KIFAP3: variants seen among roughly 807,000 people sequenced by gnomAD.
KIFAP3 encodes the protein kinesin associated protein 3, also known as kinesin-associated protein 3.
A neutral mutation model predicts 106.5 loss-of-function variants in KIFAP3; 68 were observed. The ratio of observed to expected loss-of-function variants is 0.64; its 90% CI spans 0.53 to 0.78. The LOEUF (loss-of-function observed/expected upper bound fraction) is 0.78, where lower values mean the gene tolerates loss of function less well. Ranked by LOEUF, KIFAP3 falls within the 30% of genes least tolerant of loss-of-function variation. KIFAP3 has a pLI of 0.00. For synonymous variants in KIFAP3, 320 were observed against 311.5 expected (o/e 1.03, Z -0.29); for missense variants, 780 against 941.8 (o/e 0.83, Z 2.25).
intron 1 of KIFAP3, among the ~76,000 whole-genome samples, chr1:170,072,687 A>T (rs1671759262): frequency 6.6e-6 from 1 of 152,226 alleles, no homozygotes. Flanking sequence ...AAAATATAAA[A>T]GTAAAAATAT....
intron 11 of KIFAP3, chr1:169,990,209 A>C (rs1667029278): frequency 1.3e-5 from 16 of 1,255,536 alleles, no homozygotes; most frequent in Non-Finnish European, 1.6e-5. Flanking sequence ...GTATTTGAGA[A>C]ATTCTGGCAT....
chr1:169,989,655 C>G (rs1396941966), intron 11 of KIFAP3, among the ~76,000 whole-genome samples: 1 of 151,984 alleles, frequency 6.6e-6, no homozygotes, highest in African/African-American at 2.4e-5. Flanking sequence ...AGACACCTGC[C>G]TTGCTAGATA....
chr1:169,981,643 T>A (rs951308310), intron 15 of KIFAP3, among the ~76,000 whole-genome samples: 1 of 152,214 alleles, frequency 6.6e-6, no homozygotes, highest in African/African-American at 2.4e-5. Flanking sequence ...GTTTCAGGCA[T>A]CTGCTGGGGG....
At chr1:170,015,785 C>T (rs1002616146) in intron 10 of KIFAP3, among the ~76,000 whole-genome samples, 5 of 152,150 alleles carry the variant, frequency 3.3e-5, no homozygotes, top group South Asian at 2.1e-4. Context: ...AGAGATTTAA[C>T]GCCCTACTAA....
intron 10 of KIFAP3, among the ~76,000 whole-genome samples, chr1:170,000,892 C>T (rs571028910): frequency 6.6e-6 from 1 of 152,014 alleles, no homozygotes; most frequent in Non-Finnish European, 1.5e-5. Context: ...ACATTAAGTA[C>T]AACAATAGTT....
Position 170,016,568 on chromosome 1 carries a change from G to T in KIFAP3, c.1077C>A (p.Asp359Glu). 6.2e-7 allele frequency: 1 copy of T among 1,605,866 alleles called. No individual in the cohort carries two copies. The highest frequency in any genetic ancestry group is 8.5e-7 in the Non-Finnish European group (1 of 1,176,620). Residue 359 changes from aspartate (D) to glutamate (E), a missense_variant, in exon 10 of 20, where the codon GAC (aspartate) becomes GAA (glutamate). Physicochemically the swap from Asp to Glu is conservative, Grantham distance 45. This residue lies in a region of KIFAP3 where 588 missense variants were observed against 678.9 expected (regional missense o/e 0.87). Transcript: ENST00000361580. The stretch of plus-strand genomic sequence containing the variant: ...AAAGTCGGAGGGTGATATTCAGCAG[G>T]TCTTCATGCTCACAAGGTATCATTT... ...LVKMIPCEHE[D>E]LLNITLRLLL... is the part of the protein sequence containing the mutation.
At chr1:169,978,467 T>C (rs530115252) in intron 15 of KIFAP3, among the ~76,000 whole-genome samples, 3 of 152,118 alleles carry the variant, frequency 2.0e-5, no homozygotes, top group East Asian at 3.9e-4. Context: ...TTCTTAAAAA[T>C]TATTATACCT....
chr1:170,074,601 G>C lies in KIFAP3; in HGVS notation c.-134C>G. 6.5e-7 allele frequency: 1 copy of C among 1,534,428 alleles called. No homozygotes were observed. Among genetic ancestry groups the C allele is most frequent in the African/African-American group, 1.4e-5 (1 of 73,156 alleles). ...CTGAGGCCTGCAAGGCGGGGCAGCA[G>C]CGGCGCTGTGGTTACCACGGTGAAG... On this transcript the variant is annotated 5_prime_UTR_variant, in exon 1 of 20. Transcript: ENST00000361580.
intron 2 of KIFAP3, 27 bp downstream of exon 2, chr1:170,055,278 C>T (rs776498968): frequency 6.3e-7 from 1 of 1,583,908 alleles, no homozygotes; most frequent in Non-Finnish European, 8.6e-7. Flanking sequence ...TCACTACTTT[C>T]AAAATGTGCA....
chr1:170,064,088 TATAG>T (rs1467109808), intron 1 of KIFAP3, among the ~76,000 whole-genome samples: 2 of 152,226 alleles, frequency 1.3e-5, no homozygotes, highest in Non-Finnish European at 2.9e-5. Flanking sequence ...GTGGGAGGTA[TATAG>T]ATGTTACATC....
chr1:170,055,468 A>G, intron 1 of KIFAP3, 32 bp from the exon 2 acceptor site: 1 of 1,506,260 alleles, frequency 6.6e-7, no homozygotes, highest in Non-Finnish European at 8.9e-7. Context: ...ATATAACCAG[A>G]TTAAAATTCT....
At chr1:170,077,257 T>G (rs924062446), upstream of KIFAP3, among the ~76,000 whole-genome samples, 13 of 152,358 alleles carry the variant, frequency 8.5e-5, no homozygotes, top group Non-Finnish European at 1.5e-4. Flanking sequence ...CAGATTATTT[T>G]GTAAAGTTGA....
intron 10 of KIFAP3, among the ~76,000 whole-genome samples, chr1:170,013,498 A>AC (rs1557837039): frequency 4.7e-5 from 7 of 147,910 alleles, no homozygotes; most frequent in African/African-American, 1.7e-4. Context: ...TATATATATA[A>AC]AATACATATA....
At chr1:170,039,112 TGAG>T in intron 4 of KIFAP3, 118 bp downstream of exon 4, 5 of 507,016 alleles carry the variant, frequency 9.9e-6, no homozygotes, top group Non-Finnish European at 1.8e-5. Flanking sequence ...CAGGTACCTC[TGAG>T]TTCAGTCATT....
Position 170,055,437 on chromosome 1 carries a change from C to G in KIFAP3, c.33-1G>C. 6.3e-7 allele frequency: 1 copy of G among 1,574,802 alleles called. No homozygotes were observed. The highest frequency in any genetic ancestry group is 8.6e-7 in the Non-Finnish European group (1 of 1,163,242). ...ATCTATATTCCCTCCTTTAACTTTCCTATAATACAAAATTGAAATGATATA... is the reference window on the plus strand; with the variant it reads ...ATCTATATTCCCTCCTTTAACTTTCGTATAATACAAAATTGAAATGATATA... On this transcript the variant is annotated splice_acceptor_variant, in intron 1 of 19. Coordinates refer to ENST00000361580, the MANE Select transcript of KIFAP3 (RefSeq NM_014970.4). LOFTEE classifies it high-confidence loss of function.
chr1:169,978,669 TACATA>T (rs1325271635), intron 15 of KIFAP3, among the ~76,000 whole-genome samples: 2 of 152,248 alleles, frequency 1.3e-5, no homozygotes, highest in Middle Eastern at 3.4e-3. Flanking sequence ...CAAAGTAATT[TACATA>T]ACAGCTGATG....
chr1:169,992,166 A>G lies in KIFAP3; in HGVS notation c.1273T>C (p.Cys425Arg). 2 of 1,516,296 alleles carry G rather than the reference A, an allele frequency of 1.3e-6. No individual in the cohort carries two copies. Among genetic ancestry groups the G allele is most frequent in the Non-Finnish European group, 1.8e-6 (2 of 1,122,866 alleles). The allele number at this position is 1,516,296 out of a possible 1,614,324, so 93.9% of individuals were successfully genotyped here. The stretch of plus-strand genomic sequence containing the variant: ...CTTAAACCACTTACCTGTGGTATAC[A>G]GTCAGTGTATGCAAACATTGATTTA... ...RFKSMFAYTD[C>R]IPQLMKMLFE... Residue 425 changes from cysteine (C) to arginine (R), a missense_variant, in exon 11 of 20, where the codon TGT (cysteine) becomes CGT (arginine). This residue lies in a region of KIFAP3 where 588 missense variants were observed against 678.9 expected (regional missense o/e 0.87). Transcript: ENST00000361580.
In KIFAP3 at chr1:169,984,595, C is replaced by G; in HGVS notation, c.1380G>C (p.Gln460His). Reference protein sequence around the residue: ...INLAANKRNVQLICEGNGLKM... With the variant: ...INLAANKRNVHLICEGNGLKM... ...AAAGGCACTGACCTTCACAGATAAGCTGTACATTTCTTTTGTTAGCAGCAA... is the reference window on the plus strand; with the variant it reads ...AAAGGCACTGACCTTCACAGATAAGGTGTACATTTCTTTTGTTAGCAGCAA... The change falls in exon 12 of 20, where the codon CAG (glutamine) becomes CAC (histidine). Residue 460 changes from glutamine (Q) to histidine (H), a missense_variant. Physicochemically the swap from Gln to His is conservative, Grantham distance 24 (BLOSUM62 0). Around this residue, in one of 3 missense-constraint regions of KIFAP3, gnomAD observed 588 missense variants for 678.9 expected, o/e 0.87. Transcript: ENST00000361580. 6.3e-7 allele frequency: 1 copy of G among 1,592,398 alleles called. No homozygotes were observed. Among genetic ancestry groups the G allele is most frequent in the South Asian group, 1.1e-5 (1 of 89,624 alleles).
intron 10 of KIFAP3, among the ~76,000 whole-genome samples, chr1:169,993,310 C>A (rs1242528732): frequency 6.6e-6 from 1 of 151,100 alleles, no homozygotes; most frequent in African/African-American, 2.4e-5. Flanking sequence ...CAGGGTTTCA[C>A]CATATTGGCC....
Sources: allele counts gnomAD v4.1 joint callset (sites outside exome capture counted in the v4.1 genomes callset), GRCh38; gene constraint gnomAD v4.1.1; regional missense constraint gnomAD v4.1.1; transcripts MANE v1.5; gene names NCBI Gene and HGNC (gene_info 2026-07-23, HGNC 2026-07-21).